Variants in MFHAS1 observed in about 807,000 individuals in gnomAD.
The protein encoded by MFHAS1 is multifunctional ROCO family signaling regulator 1, also known as malignant fibrous histiocytoma-amplified sequence 1.
MFHAS1 carries 50 observed loss-of-function variants against 70.4 expected under a neutral mutation model. That is an observed-to-expected ratio of 0.71 (90% CI 0.57 to 0.90). MFHAS1 has a LOEUF of 0.90. Ranked by LOEUF, MFHAS1 falls within the 40% of genes least tolerant of loss-of-function variation. The pLI is 0.00. For synonymous variants in MFHAS1, 952 were observed against 620.0 expected (o/e 1.54, Z -7.96); for missense variants, 1,795 against 1,347.6 (o/e 1.33, Z -5.20).
intron 1 of MFHAS1, among the ~76,000 whole-genome samples, chr8:8,855,338 G>A (rs781023207): frequency 8.5e-5 from 13 of 152,198 alleles, no homozygotes; most frequent in Non-Finnish European, 1.3e-4. Context: ...TCTTACCACA[G>A]GAGCTCATTG....
intron 1 of MFHAS1, among the ~76,000 whole-genome samples, chr8:8,884,012 A>G (rs1192186021): frequency 6.6e-6 from 1 of 150,710 alleles, no homozygotes; most frequent in Non-Finnish European, 1.5e-5. Flanking sequence ...AGCTTGGGCA[A>G]CATAAAAAGG....
Position 8,783,806 on chromosome 8 carries a change from C to T in MFHAS1, c.*2216G>A, listed in dbSNP as rs1273559838. 6.6e-6 allele frequency: 1 copy of T among 152,160 alleles called. No homozygotes were observed. The highest frequency in any genetic ancestry group is 1.9e-4 in the East Asian group (1 of 5,194). The allele number at this position is 152,160 out of a possible 1,614,324, so 9.4% of individuals were successfully genotyped here. On this transcript the variant is annotated 3_prime_UTR_variant, in exon 3 of 3. Coordinates refer to ENST00000276282, the MANE Select transcript of MFHAS1 (RefSeq NM_004225.3). ...GAGAAAACGGAATTTCTTGCATAGA[C>T]AGCTGAAGAGTCCTGTAGAGCAGAG...
chr8:8,869,904 C>A (rs560419441), intron 1 of MFHAS1, among the ~76,000 whole-genome samples: 1 of 152,218 alleles, frequency 6.6e-6, no homozygotes, highest in Non-Finnish European at 1.5e-5. Context: ...TACCTGGGGG[C>A]CTCTATTGTT....
intron 1 of MFHAS1, among the ~76,000 whole-genome samples, chr8:8,806,377 G>A (rs1806289252): frequency 6.6e-6 from 1 of 152,158 alleles, no homozygotes; most frequent in Non-Finnish European, 1.5e-5. Context: ...TAAACATCCA[G>A]GGCCAGCAAG....
intron 1 of MFHAS1, among the ~76,000 whole-genome samples, chr8:8,875,454 GAATT>G (rs1320859602): frequency 6.6e-6 from 1 of 152,110 alleles, no homozygotes; most frequent in East Asian, 1.9e-4. Flanking sequence ...ATCAATATTT[GAATT>G]ATTTATACAA....
At chr8:8,836,773 C>T (rs1807611866) in intron 1 of MFHAS1, among the ~76,000 whole-genome samples, 2 of 152,212 alleles carry the variant, frequency 1.3e-5, no homozygotes, top group South Asian at 4.2e-4. Context: ...AGCTAGATAA[C>T]TTCCTTTAGT....
intron 1 of MFHAS1, among the ~76,000 whole-genome samples, chr8:8,817,052 G>A (rs1806773268): frequency 6.6e-6 from 1 of 152,168 alleles, no homozygotes; most frequent in Non-Finnish European, 1.5e-5. Context: ...ATGTCAAAGA[G>A]ACACCAAGGC....
rs185350743 is a variant in MFHAS1 at position 8,836,674 on chromosome 8, A to C, written c.2999-39183T>G. Among the ~76,000 whole-genome samples the C allele has an allele frequency of 2.3e-3, 347 of 152,292 alleles. 2 individuals carry two copies. The highest frequency in any genetic ancestry group is 7.8e-3 in the African/African-American group (323 of 41,568). The stretch of plus-strand genomic sequence containing the variant: ...ATTAAATGCATGAGCCACCTCGCCC[A>C]ACCATCCACTTTTCCTTTTTGAACA... On this transcript the variant is annotated intron_variant, in intron 1 of 2. Transcript: ENST00000276282.
chr8:8,832,627 CTTT>C (rs137896964), intron 1 of MFHAS1, among the ~76,000 whole-genome samples: 2 of 121,918 alleles, frequency 1.6e-5, no homozygotes, highest in Admixed American at 2.1e-4. Flanking sequence ...GAATTTTTTT[CTTT>C]TTTTTTTTTT....
At chr8:8,864,677 G>A (rs1808791740) in intron 1 of MFHAS1, among the ~76,000 whole-genome samples, 1 of 152,128 alleles carries the variant, frequency 6.6e-6, no homozygotes, top group Non-Finnish European at 1.5e-5. Flanking sequence ...AGACACTTTT[G>A]AAATGTATCA....
Position 8,892,969 on chromosome 8 carries a change from G to C in MFHAS1, c.90C>G (p.Arg30=). 9.7e-6 allele frequency: 15 copies of C among 1,543,592 alleles called. No homozygotes were observed. The highest frequency in any genetic ancestry group is 1.2e-5 in the Non-Finnish European group (14 of 1,146,772). Residue 30 remains arginine (R), a synonymous_variant, in exon 1 of 3, where the codon CGC becomes CGG. Coordinates refer to ENST00000276282, the MANE Select transcript of MFHAS1 (RefSeq NM_004225.3). This position sits in a 1 kb window ranked among gnomAD's most constrained non-coding sequence, Gnocchi z 4.7. The stretch of plus-strand genomic sequence containing the variant: ...CCCCGGCGGCGGTAAGCGTGAGCTG[G>C]CGCAGGTTGCTCCGCAGCTTCCTGG... The part of the protein sequence containing the change: ...LRARKLRSNL[R]QLTLTAAGAC...
In MFHAS1 at chr8:8,840,980, AT is replaced by A. The variant is rs755947094; in HGVS notation, c.2999-43490del. On this transcript the variant is annotated intron_variant, in intron 1 of 2. Transcript: ENST00000276282. ...TTAAACAAGGCACACAAACTATGAC[AT>A]TGTATGTAAAACTATAAGCCCCATC... is the stretch of plus-strand genomic sequence containing the variant. Among the ~76,000 whole-genome samples, 6 of 152,354 alleles carry A rather than the reference AT, an allele frequency of 3.9e-5. No individual in the cohort carries two copies. The South Asian group carries it at 6.2e-4, about 16-fold the overall frequency.
intron 1 of MFHAS1, among the ~76,000 whole-genome samples, chr8:8,855,881 G>C (rs1049649984): frequency 6.6e-6 from 1 of 152,122 alleles, no homozygotes; most frequent in East Asian, 1.9e-4. Flanking sequence ...AAAAAATTAT[G>C]CTTTCTGCCG....
chr8:8,868,921 T>C (rs1808965571), intron 1 of MFHAS1, among the ~76,000 whole-genome samples: 1 of 152,220 alleles, frequency 6.6e-6, no homozygotes, highest in South Asian at 2.1e-4. Flanking sequence ...TTACATTTCT[T>C]AATCCTCTCT....
intron 1 of MFHAS1, among the ~76,000 whole-genome samples, chr8:8,878,794 T>A (rs773915088): frequency 6.6e-6 from 1 of 152,172 alleles, no homozygotes; most frequent in Non-Finnish European, 1.5e-5. Context: ...GTTAATAGCA[T>A]AGACTTCATT....
chr8:8,792,289 A>G (rs1248770008), intron 2 of MFHAS1, among the ~76,000 whole-genome samples: 1 of 132,758 alleles, frequency 7.5e-6, no homozygotes. Context: ...CTGCAAAACC[A>G]TTCCTGAAAG....
chr8:8,868,547 A>G (rs969706335), intron 1 of MFHAS1, among the ~76,000 whole-genome samples: 2 of 151,884 alleles, frequency 1.3e-5, no homozygotes, highest in Non-Finnish European at 2.9e-5. Flanking sequence ...GCTCATCCCA[A>G]TTTGGAGCTA....
At chr8:8,814,816 A>G (rs1169058771) in intron 1 of MFHAS1, among the ~76,000 whole-genome samples, 1 of 151,208 alleles carries the variant, frequency 6.6e-6, no homozygotes, top group African/African-American at 2.4e-5. Flanking sequence ...AATGAAAACC[A>G]CATGAGATAC....
chr8:8,873,478 T>TG (rs1346835016), intron 1 of MFHAS1, among the ~76,000 whole-genome samples: 3 of 151,306 alleles, frequency 2.0e-5, no homozygotes, highest in Non-Finnish European at 3.0e-5. Flanking sequence ...TTGCTTACTT[T>TG]TTTTTTTTTT....
Sources: allele counts gnomAD v4.1 joint callset (sites outside exome capture counted in the v4.1 genomes callset), GRCh38; gene constraint gnomAD v4.1.1; non-coding constraint Gnocchi (gnomAD v3.1); transcripts MANE v1.5; gene names NCBI Gene and HGNC (gene_info 2026-07-23, HGNC 2026-07-21).